Variants in UBE4B observed in about 807,000 individuals in gnomAD.
UBE4B encodes ubiquitination factor E4B, also known as ubiquitin conjugation factor E4 B.
In UBE4B, 27 loss-of-function variants were observed where a neutral mutation model predicts 148.1. That is an observed-to-expected ratio of 0.18 (90% CI 0.13 to 0.25). The LOEUF (loss-of-function observed/expected upper bound fraction) is 0.25. UBE4B is among the 10% of genes least tolerant of loss of function. The pLI, the probability that UBE4B is intolerant of heterozygous loss-of-function variation, is 1.00. For synonymous variants in UBE4B, 596 were observed against 619.3 expected, an observed-to-expected ratio of 0.96 and a Z score of 0.56; for missense variants, 1,170 against 1,662.4, an observed-to-expected ratio of 0.70 and a Z score of 5.15.
rs1483964806 is a variant in UBE4B at position 10,121,256 on chromosome 1, T to A, written c.1440-706T>A. Among the ~76,000 whole-genome samples, 3 of 151,732 alleles carry A rather than the reference T, an allele frequency of 2.0e-5. No homozygotes were observed. In the East Asian group the frequency reaches 5.9e-4, roughly 30 times the overall value. Reference sequence around the variant, plus strand: ...CTGTAGTCCCAGCTACTTGGGAGGCTGAGCAGGAGAATCACTTGAACCCGG... The same window carrying A: ...CTGTAGTCCCAGCTACTTGGGAGGCAGAGCAGGAGAATCACTTGAACCCGG... On this transcript the variant is annotated intron_variant, in intron 9 of 27. Transcript: ENST00000343090.
intron 10 of UBE4B, among the ~76,000 whole-genome samples, chr1:10,124,222 C>T (rs567249457): frequency 4.0e-5 from 6 of 151,860 alleles, no homozygotes; most frequent in African/African-American, 7.3e-5. Flanking sequence ...AGTGCAGTGG[C>T]GCCGTCTCAG....
chr1:10,040,608 TTTC>T (rs1643719783), intron 1 of UBE4B, among the ~76,000 whole-genome samples: 1 of 150,784 alleles, frequency 6.6e-6, no homozygotes, highest in East Asian at 1.9e-4. Context: ...TCTCCATTTC[TTTC>T]TTCTTTTTTC....
Position 10,106,511 on chromosome 1 carries a change from C to T in UBE4B, c.1124C>T (p.Thr375Met), listed in dbSNP as rs773782785. ...AGTTCCAGACAGAGGCCCAGCAGCA[C>T]GGGTCCACCCCTACCACCCGCCTCA... The part of the protein sequence containing the change: ...ASSSRQRPSS[T>M]GPPLPPASPS... Residue 375 changes from threonine to methionine, a missense_variant, in exon 7 of 28, where the codon ACG becomes ATG. By Grantham distance (81) the Thr-to-Met change is moderately conservative. Transcript: ENST00000343090. The surrounding 1 kb of genome is among the most constrained non-coding windows in gnomAD (Gnocchi z 4.2). The T allele has an allele frequency of 1.9e-5, 30 of 1,611,458 alleles. 1 individual carries two copies. In the South Asian group the frequency reaches 2.9e-4, roughly 15 times the overall value.
At chr1:10,173,498 TATA>T (rs1646369182) in intron 25 of UBE4B, among the ~76,000 whole-genome samples, 1 of 148,684 alleles carries the variant, frequency 6.7e-6, no homozygotes, top group Admixed American at 6.7e-5. Flanking sequence ...AAAAAAATTA[TATA>T]TATATATACA....
chr1:10,173,865 G>A (rs1227036906), intron 25 of UBE4B, among the ~76,000 whole-genome samples: 3 of 152,244 alleles, frequency 2.0e-5, no homozygotes, highest in Admixed American at 6.5e-5. Context: ...CAAAGCAACT[G>A]GGTGACAAAG....
chr1:10,121,525 C>T (rs1475172439), intron 9 of UBE4B, among the ~76,000 whole-genome samples: 1 of 152,078 alleles, frequency 6.6e-6, no homozygotes, highest in African/African-American at 2.4e-5. Flanking sequence ...TTCCAAGTAG[C>T]CAGGACTCCA....
At chr1:10,139,828 A>C (rs986098620) in intron 17 of UBE4B, among the ~76,000 whole-genome samples, 1 of 152,194 alleles carries the variant, frequency 6.6e-6, no homozygotes, top group Non-Finnish European at 1.5e-5. Context: ...TCCCAGGTTC[A>C]AGTGATTCTC....
intron 1 of UBE4B, among the ~76,000 whole-genome samples, chr1:10,071,724 G>A (rs1378585602): frequency 6.7e-6 from 1 of 149,774 alleles, no homozygotes; most frequent in Non-Finnish European, 1.5e-5. Context: ...GAGGTGGGTT[G>A]TCACTGCTTT....
intron 1 of UBE4B, among the ~76,000 whole-genome samples, chr1:10,037,506 C>A (rs969835847): frequency 1.3e-5 from 2 of 152,120 alleles, no homozygotes; most frequent in Non-Finnish European, 2.9e-5. Flanking sequence ...TATATTAATT[C>A]TATAATCTAC....
At chr1:10,105,008 G>T (rs750296736) in intron 5 of UBE4B, among the ~76,000 whole-genome samples, 1 of 152,188 alleles carries the variant, frequency 6.6e-6, no homozygotes, top group Non-Finnish European at 1.5e-5. Flanking sequence ...AAAGCCACAT[G>T]GTGACTAGAT....
chr1:10,118,868 CTTTTTTTTT>C (rs35822677), intron 8 of UBE4B, among the ~76,000 whole-genome samples: 2 of 23,090 alleles, frequency 8.7e-5, no homozygotes, highest in South Asian at 1.9e-3. Context: ...CCAGGCTGGT[CTTTTTTTTT>C]TTTTTTTTTT....
chr1:10,119,693 C>A, intron 9 of UBE4B, 80 bp downstream of exon 9: 2 of 1,247,252 alleles, frequency 1.6e-6, no homozygotes, highest in Non-Finnish European at 2.3e-6. Flanking sequence ...TCTGGCCATT[C>A]TTGCACCACC....
At chr1:10,164,160 G>A (rs1484683944) in intron 23 of UBE4B, among the ~76,000 whole-genome samples, 2 of 152,068 alleles carry the variant, frequency 1.3e-5, no homozygotes, top group African/African-American at 4.8e-5. Context: ...GGCCAACATG[G>A]TGAAACCCAG....
chr1:10,117,500 G>A lies in UBE4B; in HGVS notation c.1238G>A (p.Ser413Asn). ...GGAGCAAGTAATTGGGATTCCTACAGTGACCATTTCACCATTGAAACCTGC... is the reference window on the plus strand; with the variant it reads ...GGAGCAAGTAATTGGGATTCCTACAATGACCATTTCACCATTGAAACCTGC... ...SGGASNWDSY[S>N]DHFTIETCKE... The change falls in exon 8 of 28, where the codon AGT becomes AAT. Residue 413 changes from serine (S) to asparagine (N), a missense_variant. Ser to Asn is a conservative substitution (Grantham distance 46). Around this residue, in one of 6 missense-constraint regions of UBE4B, gnomAD observed 388 missense variants for 536.0 expected, o/e 0.72. Coordinates refer to ENST00000343090, the MANE Select transcript of UBE4B (RefSeq NM_001105562.3). 2 of 1,612,766 alleles carry A rather than the reference G, an allele frequency of 1.2e-6. No individual in the cohort carries two copies. The highest frequency in any genetic ancestry group is 1.7e-6 in the Non-Finnish European group (2 of 1,179,728).
chr1:10,044,603 C>T (rs935839952), intron 1 of UBE4B, among the ~76,000 whole-genome samples: 3 of 151,996 alleles, frequency 2.0e-5, no homozygotes, highest in African/African-American at 7.2e-5. Context: ...CTTCCACCGC[C>T]CGCCTGTCTC....
intron 17 of UBE4B, among the ~76,000 whole-genome samples, chr1:10,144,660 A>G (rs575456605): frequency 4.2e-4 from 64 of 151,620 alleles, no homozygotes; most frequent in Admixed American, 1.1e-3. Flanking sequence ...ACTTGAACCC[A>G]GGAGGCGGAG....
chr1:10,082,490 ACT>A (rs1377982056), intron 2 of UBE4B, among the ~76,000 whole-genome samples: 2 of 152,008 alleles, frequency 1.3e-5, no homozygotes, highest in African/African-American at 4.8e-5. Context: ...ACAGAGTGAG[ACT>A]CTGTCTCAAA....
chr1:10,053,705 A>G (rs554358157), intron 1 of UBE4B, among the ~76,000 whole-genome samples: 1 of 151,452 alleles, frequency 6.6e-6, no homozygotes, highest in East Asian at 2.0e-4. Context: ...TTTTGAGACA[A>G]GGTCTTGCTA....
rs1259512467 is a variant in UBE4B at position 10,043,782 on chromosome 1, G to A, written c.24+10088G>A. ...TCACCGTTGGCCAGGTGGCAGTTGT[G>A]ACATAGTTGTCATTTCCTGTTTAGG... On this transcript the variant is annotated intron_variant, in intron 1 of 27. Transcript: ENST00000343090. 1.3e-5 allele frequency among the ~76,000 whole-genome samples: 2 copies of A among 152,130 alleles called. 1 individual carries two copies. The highest frequency in any genetic ancestry group is 4.1e-4 in the South Asian group (2 of 4,834).
Sources: allele counts gnomAD v4.1 joint callset (sites outside exome capture counted in the v4.1 genomes callset), GRCh38; gene constraint gnomAD v4.1.1; regional missense constraint gnomAD v4.1.1; non-coding constraint Gnocchi (gnomAD v3.1); transcripts MANE v1.5; gene names NCBI Gene and HGNC (gene_info 2026-07-23, HGNC 2026-07-21).